Variants in DOCK5 observed in about 807,000 individuals in gnomAD.
DOCK5 encodes the protein dedicator of cytokinesis protein 5.
DOCK5 carries 142 observed loss-of-function variants against 251.8 expected under a neutral mutation model. That is an observed-to-expected ratio of 0.56 (90% CI 0.49 to 0.65). DOCK5 has a LOEUF of 0.65. Ranked by LOEUF, DOCK5 falls within the 30% of genes least tolerant of loss-of-function variation. The pLI is 0.00. For missense variants in DOCK5, 2,111 were observed against 2,312.3 expected, an observed-to-expected ratio of 0.91 and a Z score of 1.79; for synonymous variants, 842 against 835.5, an observed-to-expected ratio of 1.01 and a Z score of -0.13.
chr8:25,358,855 C>A, intron 27 of DOCK5, 108 bp from the exon 28 acceptor site: 1 of 882,328 alleles, frequency 1.1e-6, no homozygotes, highest in Admixed American at 1.8e-5. Context: ...GGTGGGATAC[C>A]TGCGTGGCTC....
rs372243673 is a variant in DOCK5 at position 25,395,587 on chromosome 8, G to C, written c.4572G>C (p.Leu1524=). The change falls in exon 45 of 52, where the codon CTG becomes CTC. Residue 1524 remains leucine, a synonymous_variant. Coordinates refer to ENST00000276440, the MANE Select transcript of DOCK5 (RefSeq NM_024940.8). The part of the protein sequence containing the change: ...PLENAIETME[L]TNERISNCVQ... The stretch of plus-strand genomic sequence containing the variant: ...AGAATGCCATCGAAACCATGGAGCT[G>C]ACCAACGAGAGGATCAGCAACTGTG... 3 of 1,613,684 alleles carry C rather than the reference G, an allele frequency of 1.9e-6. No individual in the cohort carries two copies. The highest frequency in any genetic ancestry group is 8.5e-7 in the Non-Finnish European group (1 of 1,179,804).
rs1388090281 is a variant in DOCK5 at position 25,210,079 on chromosome 8, T to TC, written c.43+25128_43+25129insC. ...GTGTGTGTGTGTGTGTATCTGTCTA[T>TC]TTATCTATCTATCTATCTATCTATC... On this transcript the variant is annotated intron_variant, in intron 1 of 51. Coordinates refer to ENST00000276440, the MANE Select transcript of DOCK5 (RefSeq NM_024940.8). Among the ~76,000 whole-genome samples, 24 of 23,608 alleles carry TC rather than the reference T, an allele frequency of 1.0e-3. 8 individuals carry two copies. Among genetic ancestry groups the TC allele is most frequent in the Non-Finnish European group, 1.7e-3 (12 of 6,998 alleles). The allele number at this position is 23,608 out of a possible 152,430, so 15.5% of individuals were successfully genotyped here. A position where few individuals can be genotyped will look rare whatever the true frequency, so the allele number is the denominator to read the frequency against.
intron 3 of DOCK5, 81 bp downstream of exon 3, chr8:25,268,966 G>A (rs555051315): frequency 1.6e-6 from 2 of 1,224,908 alleles, no homozygotes; most frequent in Admixed American, 2.5e-5. Context: ...CCTCTCCTCT[G>A]CTCTCTGCTG....
Position 25,363,043 on chromosome 8 carries a change from G to GC in DOCK5, c.2950-3dup. On this transcript the variant is annotated splice_polypyrimidine_tract_variant and splice_region_variant and intron_variant, in intron 28 of 51. Transcript: ENST00000276440. ...TCCCCCAACCACTCCTCTGTTCTCC[G>GC]CAGGACTTCCTCATGGAAACTTTTA... is the stretch of plus-strand genomic sequence containing the variant. 6.2e-7 allele frequency: 1 copy of GC among 1,613,242 alleles called. No individual in the cohort carries two copies. Among genetic ancestry groups the GC allele is most frequent in the Non-Finnish European group, 8.5e-7 (1 of 1,179,282 alleles).
intron 36 of DOCK5, 100 bp downstream of exon 36, chr8:25,373,758 T>C: frequency 8.7e-6 from 10 of 1,149,136 alleles, no homozygotes; most frequent in Non-Finnish European, 1.1e-5. Flanking sequence ...GTTTGCTGCT[T>C]TGAGAGACCC....
At position 25,412,225 on chromosome 8, in the gene DOCK5, C is replaced by A. The variant is rs565232742; in HGVS notation, c.*927C>A. On this transcript the variant is annotated 3_prime_UTR_variant, in exon 52 of 52. Coordinates refer to ENST00000276440, the MANE Select transcript of DOCK5 (RefSeq NM_024940.8). ...AGCCGCATCTGCTACCTGATTTTATCCTGGAGAATACAGTGCAATATTTCT... is the reference window on the plus strand; with the variant it reads ...AGCCGCATCTGCTACCTGATTTTATACTGGAGAATACAGTGCAATATTTCT... 1 of 151,896 alleles carries A rather than the reference C, an allele frequency of 6.6e-6. No homozygotes were observed. Among genetic ancestry groups the A allele is most frequent in the East Asian group, 1.9e-4 (1 of 5,144 alleles). 9.4% of individuals were successfully genotyped at this position (151,896 alleles called of 1,614,324 possible).
intron 44 of DOCK5, among the ~76,000 whole-genome samples, 188 bp from the exon 45 acceptor site, chr8:25,395,355 T>C (rs1000222724): frequency 2.0e-5 from 3 of 152,230 alleles, no homozygotes; most frequent in Admixed American, 2.0e-4. Context: ...TGTTTCCTAA[T>C]AGGCCACGGA....
intron 5 of DOCK5, among the ~76,000 whole-genome samples, chr8:25,280,856 G>C (rs1804170977): frequency 6.6e-6 from 1 of 152,122 alleles, no homozygotes; most frequent in Non-Finnish European, 1.5e-5. Context: ...TAGTTGGGTG[G>C]ATGTAACAAG....
intron 12 of DOCK5, 104 bp from the exon 13 acceptor site, chr8:25,310,303 C>CA: frequency 1.7e-6 from 2 of 1,180,110 alleles, no homozygotes; most frequent in South Asian, 1.8e-5. Context: ...TACATCTTTA[C>CA]AGTAAGGTTG....
Position 25,390,414 on chromosome 8 carries a change from C to G in DOCK5, c.4355+127C>G, listed in dbSNP as rs557684370. 312 of 777,532 alleles carry G rather than the reference C, an allele frequency of 4.0e-4. No homozygotes were observed. The African/African-American group carries it at 5.0e-3, about 13-fold the overall frequency. 48.2% of individuals were successfully genotyped at this position (777,532 alleles called of 1,614,324 possible). A position where few individuals can be genotyped will look rare whatever the true frequency, so the allele number is the denominator to read the frequency against. On this transcript the variant is annotated intron_variant, in intron 42 of 51. Transcript: ENST00000276440. ...TCGAAGCCAGGAATTTGAGACCAGCCTGGGCAACAAAGTGGGATGCTGTCT... is the reference window on the plus strand; with the variant it reads ...TCGAAGCCAGGAATTTGAGACCAGCGTGGGCAACAAAGTGGGATGCTGTCT...
intron 8 of DOCK5, among the ~76,000 whole-genome samples, chr8:25,299,637 G>A (rs1804708654): frequency 6.6e-6 from 1 of 152,122 alleles, no homozygotes; most frequent in African/African-American, 2.4e-5. Flanking sequence ...TCTGAGGGGA[G>A]AGAATATGTT....
intron 1 of DOCK5, among the ~76,000 whole-genome samples, chr8:25,217,069 A>ATACATGTATAGATGTATACAATATGTG (rs1802265304): frequency 7.3e-6 from 1 of 137,928 alleles, no homozygotes; most frequent in Admixed American, 7.3e-5. Flanking sequence ...TACAATATGT[A>ATACATGTATAGATGTATACAATATGTG]TATATGTATA....
intron 45 of DOCK5, 118 bp from the exon 46 acceptor site, chr8:25,399,793 T>A: frequency 1.4e-6 from 1 of 701,114 alleles, no homozygotes; most frequent in Non-Finnish European, 2.5e-6. Flanking sequence ...AGGAAAGGGA[T>A]GCATTTTTAG....
intron 2 of DOCK5, among the ~76,000 whole-genome samples, chr8:25,263,460 C>A (rs1180250047): frequency 6.6e-6 from 1 of 151,912 alleles, no homozygotes; most frequent in Non-Finnish European, 1.5e-5. Context: ...AGGGTTCATT[C>A]GAGATTTTTC....
At chr8:25,302,601 T>C in intron 10 of DOCK5, 147 bp downstream of exon 10, 1 of 1,158,050 alleles carries the variant, frequency 8.6e-7, no homozygotes, top group Non-Finnish European at 1.2e-6. Context: ...GGAGGAGATA[T>C]TTGTGCATCC....
chr8:25,378,313 A>G (rs1801000078), intron 38 of DOCK5, among the ~76,000 whole-genome samples: 1 of 152,208 alleles, frequency 6.6e-6, no homozygotes, highest in Non-Finnish European at 1.5e-5. Flanking sequence ...GAGAAATTCT[A>G]AGAAAATTCA....
chr8:25,375,383 T>C (rs10105328), intron 37 of DOCK5: 69,978 of 151,416 alleles, frequency 0.46, 16,366 homozygotes, highest in Middle Eastern at 0.55. Flanking sequence ...TGCCCCTAAC[T>C]TATCCGCTTT....
At chr8:25,345,163 G>A (rs543745428) in intron 25 of DOCK5, among the ~76,000 whole-genome samples, 5 of 151,528 alleles carry the variant, frequency 3.3e-5, no homozygotes, top group South Asian at 2.1e-4. Flanking sequence ...CCTCAATTTC[G>A]TGCATTAGGT....
chr8:25,300,363 C>T (rs1374565887), intron 8 of DOCK5, among the ~76,000 whole-genome samples: 1 of 152,200 alleles, frequency 6.6e-6, no homozygotes, highest in Non-Finnish European at 1.5e-5. Flanking sequence ...TCTTGCGGAG[C>T]CACAGCAGGG....
Sources: allele counts gnomAD v4.1 joint callset (sites outside exome capture counted in the v4.1 genomes callset), GRCh38; gene constraint gnomAD v4.1.1; transcripts MANE v1.5; gene names NCBI Gene and HGNC (gene_info 2026-07-23, HGNC 2026-07-21).